The following FBXL13 variants were observed in gnomAD, a reference collection of about 807,000 sequenced individuals.
The protein encoded by FBXL13 is F-box and leucine rich repeat protein 13, also known as F-box and leucine-rich repeat protein 13.
A neutral mutation model predicts 83.6 loss-of-function variants in FBXL13; 67 were observed. That is an observed-to-expected ratio of 0.80 (90% confidence interval 0.66 to 0.98). The LOEUF (loss-of-function observed/expected upper bound fraction) is 0.98, where lower values mean the gene tolerates loss of function less well. Among genes scored for constraint, FBXL13 ranks in the 50% least tolerant of loss-of-function variants. The pLI is 0.00. For missense variants in FBXL13, 822 were observed against 866.5 expected (o/e 0.95, Z 0.64); for synonymous variants, 272 against 299.5 (o/e 0.91, Z 0.95).
chr7:102,833,794 A>T (rs1416751805), intron 17 of FBXL13, among the ~76,000 whole-genome samples: 1 of 151,924 alleles, frequency 6.6e-6, no homozygotes, highest in African/African-American at 2.4e-5. Context: ...TGTTCACCTG[A>T]AATATCTAGG....
At chr7:102,896,704 G>A (rs1812292586) in intron 11 of FBXL13, among the ~76,000 whole-genome samples, 1 of 152,144 alleles carries the variant, frequency 6.6e-6, no homozygotes, top group African/African-American at 2.4e-5. Flanking sequence ...CTCCCTGTAT[G>A]CTTGTGTCTG....
At chr7:102,900,506 C>T (rs1030461185) in intron 11 of FBXL13, among the ~76,000 whole-genome samples, 6 of 152,172 alleles carry the variant, frequency 3.9e-5, no homozygotes, top group Non-Finnish European at 8.8e-5. Flanking sequence ...AGAACCTCTT[C>T]GAGGTGAAAA....
chr7:102,877,591 C>A, exon 16 of FBXL13: 1 of 1,604,328 alleles, frequency 6.2e-7, no homozygotes, highest in Non-Finnish European at 8.5e-7. Flanking sequence ...TAAATTAGGG[C>A]AGCTAAAAGA....
At chr7:102,870,283 T>C (rs1323467898) in intron 16 of FBXL13, among the ~76,000 whole-genome samples, 1 of 152,196 alleles carries the variant, frequency 6.6e-6, no homozygotes, top group African/African-American at 2.4e-5. Flanking sequence ...ACAACACTTA[T>C]TTTTTAAAAA....
chr7:102,819,204 A>T (rs890915568), intron 19 of FBXL13, among the ~76,000 whole-genome samples: 3 of 152,166 alleles, frequency 2.0e-5, no homozygotes, highest in African/African-American at 7.2e-5. Context: ...CTTTCCCCAC[A>T]GAGGGCCATA....
At chr7:102,883,218 C>T in intron 14 of FBXL13, 87 bp downstream of exon 15, 6 of 1,301,130 alleles carry the variant, frequency 4.6e-6, no homozygotes, top group Non-Finnish European at 6.3e-6. Flanking sequence ...TCATGTTTAC[C>T]CCACAAACCA....
intron 6 of FBXL13, among the ~76,000 whole-genome samples, chr7:103,001,434 C>T (rs760976832): frequency 2.0e-4 from 31 of 152,192 alleles, no homozygotes; most frequent in Non-Finnish European, 3.1e-4. Context: ...TTGATAGGTA[C>T]GATGGTTAAT....
At chr7:102,901,616 G>A (rs2129465243) in intron 11 of FBXL13, among the ~76,000 whole-genome samples, 1 of 152,048 alleles carries the variant, frequency 6.6e-6, no homozygotes, top group East Asian at 1.9e-4. Flanking sequence ...GAGTTCAATT[G>A]TTTTGATTTT....
chr7:102,964,390 CTA>C (rs371731702), intron 7 of FBXL13, among the ~76,000 whole-genome samples: 36 of 140,476 alleles, frequency 2.6e-4, no homozygotes, highest in East Asian at 4.1e-4. Context: ...AATTTTGTGA[CTA>C]TATATATATA....
intron 1 of FBXL13, among the ~76,000 whole-genome samples, chr7:103,064,638 A>G (rs1448198669): frequency 6.6e-6 from 1 of 152,176 alleles, no homozygotes; most frequent in Non-Finnish European, 1.5e-5. Context: ...CCATAACAGT[A>G]TCTCCCATCC....
chr7:102,838,491 C>T (rs368480683), intron 17 of FBXL13, among the ~76,000 whole-genome samples: 7 of 151,672 alleles, frequency 4.6e-5, no homozygotes, highest in African/African-American at 1.7e-4. Context: ...CACTCTGTCA[C>T]CCAGGCTGGA....
chr7:103,071,424 C>A (rs997412341), intron 1 of FBXL13, among the ~76,000 whole-genome samples: 1 of 152,096 alleles, frequency 6.6e-6, no homozygotes, highest in Non-Finnish European at 1.5e-5. Context: ...TGCTCCATCA[C>A]CCAGGCTGGA....
chr7:102,942,477 G>T, intron 8 of FBXL13: 1 of 599,734 alleles, frequency 1.7e-6, no homozygotes, highest in Non-Finnish European at 2.7e-6. Flanking sequence ...TTAAGAAACA[G>T]ACTAAAACTA....
intron 2 of FBXL13, among the ~76,000 whole-genome samples, chr7:103,047,845 C>T (rs1796430571): frequency 6.6e-6 from 1 of 152,162 alleles, no homozygotes; most frequent in Non-Finnish European, 1.5e-5. Context: ...CAGGCACCCG[C>T]CACCATGCCT....
At chr7:102,909,711 T>G (rs1814339259) in intron 11 of FBXL13, among the ~76,000 whole-genome samples, 1 of 152,176 alleles carries the variant, frequency 6.6e-6, no homozygotes. Flanking sequence ...AACGAGGGCC[T>G]TATGACTCTA....
At chr7:102,967,772 T>C (rs1428112532) in intron 7 of FBXL13, among the ~76,000 whole-genome samples, 2 of 152,186 alleles carry the variant, frequency 1.3e-5, no homozygotes, top group Non-Finnish European at 2.9e-5. Flanking sequence ...TTTGTTTCAA[T>C]CCAAAAATGA....
In FBXL13 at chr7:102,826,740, T is replaced by TC. The variant is rs1799725147; in HGVS notation, c.1855-4538_1855-4537insG. Among the ~76,000 whole-genome samples, 7 of 90,458 alleles carry TC rather than the reference T, an allele frequency of 7.7e-5. 1 individual carries two copies. The highest frequency in any genetic ancestry group is 3.9e-4 in the African/African-American group (7 of 17,852). 59.3% of individuals were successfully genotyped at this position (90,458 alleles called of 152,430 possible). A position where few individuals can be genotyped will look rare whatever the true frequency, so the allele number is the denominator to read the frequency against. On this transcript the variant is annotated intron_variant, in intron 18 of 19. Coordinates refer to ENST00000313221, the Ensembl canonical transcript of FBXL13. ...ACCCTGTCTCATATATATATATATA[T>TC]ATATATATATATATATATATATATA...
rs909881928 is a variant in FBXL13, at chr7:103,040,333, T to C, written c.1-10915A>G. Among the ~76,000 whole-genome samples the C allele has an allele frequency of 2.6e-5, 4 of 152,092 alleles. No homozygotes were observed. In the East Asian group the frequency reaches 5.8e-4, roughly 22 times the overall value. ...CACCCAGATTCATAAAGCAAGTCCT[T>C]AGAGACCTACAAAGAGACTTAGACT... On this transcript the variant is annotated intron_variant, in intron 2 of 19. Transcript: ENST00000313221.
At chr7:102,909,097 GGC>G (rs1286559437) in intron 11 of FBXL13, among the ~76,000 whole-genome samples, 1 of 152,184 alleles carries the variant, frequency 6.6e-6, no homozygotes, top group Non-Finnish European at 1.5e-5. Flanking sequence ...CGGCTGAGCT[GGC>G]ATGCAAACTA....
Sources: allele counts gnomAD v4.1 joint callset (sites outside exome capture counted in the v4.1 genomes callset), GRCh38; gene constraint gnomAD v4.1.1; transcripts MANE v1.5; gene names NCBI Gene and HGNC (gene_info 2026-07-23, HGNC 2026-07-21).